SGCZ: variants seen among roughly 807,000 people sequenced by gnomAD.
SGCZ encodes the protein zeta-sarcoglycan.
SGCZ carries 40 observed loss-of-function variants against 41.3 expected under a neutral mutation model. That is an observed-to-expected ratio of 0.97 (90% CI 0.75 to 1.26). SGCZ has a LOEUF of 1.26. Among genes scored for constraint, SGCZ ranks in the 50% most tolerant of loss-of-function variants. The pLI, the probability that SGCZ is intolerant of heterozygous loss-of-function variation, is 0.00. For missense variants in SGCZ, 552 were observed against 369.8 expected (o/e 1.49, Z -4.04); for synonymous variants, 206 against 137.5 (o/e 1.50, Z -3.49).
At chr8:14,358,652 C>T (rs891831651) in intron 2 of SGCZ, among the ~76,000 whole-genome samples, 7 of 152,076 alleles carry the variant, frequency 4.6e-5, no homozygotes, top group African/African-American at 1.7e-4. Flanking sequence ...TGCTCTGCTG[C>T]CCAGGCTGGA....
chr8:15,103,431 A>AATAG (rs1400129111), intron 1 of SGCZ, among the ~76,000 whole-genome samples: 1 of 151,674 alleles, frequency 6.6e-6, no homozygotes, highest in Non-Finnish European at 1.5e-5. Context: ...TAAATAAATA[A>AATAG]AAGTAAATGA....
intron 2 of SGCZ, among the ~76,000 whole-genome samples, chr8:14,550,248 T>C (rs1287596324): frequency 1.3e-5 from 2 of 151,804 alleles, no homozygotes; most frequent in East Asian, 1.9e-4. Context: ...AGCGATAATA[T>C]ATATTTTGTG....
intron 2 of SGCZ, among the ~76,000 whole-genome samples, chr8:14,519,704 T>C (rs1195718442): frequency 6.6e-6 from 1 of 152,130 alleles, no homozygotes; most frequent in Non-Finnish European, 1.5e-5. Flanking sequence ...TTATCTGCAA[T>C]AATCTTTCTC....
chr8:14,284,676 T>C (rs1161423024), intron 3 of SGCZ, among the ~76,000 whole-genome samples: 2 of 152,174 alleles, frequency 1.3e-5, no homozygotes. Context: ...CATCTATAGA[T>C]TGATCCTGTT....
intron 2 of SGCZ, among the ~76,000 whole-genome samples, chr8:14,357,314 G>A (rs1406770334): frequency 6.6e-6 from 1 of 152,088 alleles, no homozygotes; most frequent in East Asian, 1.9e-4. Flanking sequence ...ACTTTGATAA[G>A]CATCTCAGTA....
At chr8:15,155,948 C>T (rs999591865) in intron 1 of SGCZ, among the ~76,000 whole-genome samples, 1 of 151,164 alleles carries the variant, frequency 6.6e-6, no homozygotes, top group African/African-American at 2.4e-5. Flanking sequence ...GTCCAAGCTA[C>T]TCGAGAGGCC....
intron 1 of SGCZ, among the ~76,000 whole-genome samples, chr8:14,954,611 AAAG>A (rs1315792696): frequency 6.6e-6 from 1 of 152,176 alleles, no homozygotes; most frequent in African/African-American, 2.4e-5. Flanking sequence ...CAAGGGACCC[AAAG>A]AAGAGGTAAG....
At chr8:15,024,385 C>A (rs1383104733) in intron 1 of SGCZ, among the ~76,000 whole-genome samples, 1 of 152,058 alleles carries the variant, frequency 6.6e-6, no homozygotes, top group African/African-American at 2.4e-5. Context: ...TTTTATTCTG[C>A]AAATATTTAG....
At chr8:14,306,949 C>T (rs548563234) in intron 3 of SGCZ, among the ~76,000 whole-genome samples, 1 of 152,138 alleles carries the variant, frequency 6.6e-6, no homozygotes, top group African/African-American at 2.4e-5. Flanking sequence ...TAATTCACTT[C>T]ACAAATAGTT....
chr8:15,207,351 A>G (rs1801099797), intron 1 of SGCZ, among the ~76,000 whole-genome samples: 2 of 152,234 alleles, frequency 1.3e-5, no homozygotes, highest in Admixed American at 6.5e-5. Context: ...TGTGCCAAAA[A>G]ACATGAAAAA....
At chr8:14,554,968 A>G (rs772262397) in intron 1 of SGCZ, 42 bp from the exon 2 acceptor site, 9 of 1,495,284 alleles carry the variant, frequency 6.0e-6, no homozygotes, top group Non-Finnish European at 8.1e-6. Flanking sequence ...AGGAAAAAAA[A>G]AGAAGCATTA....
intron 1 of SGCZ, among the ~76,000 whole-genome samples, chr8:14,594,242 C>A (rs1489847855): frequency 6.6e-6 from 1 of 150,776 alleles, no homozygotes; most frequent in Admixed American, 6.6e-5. Flanking sequence ...AAACAAAATA[C>A]AAATGGCTGA....
intron 1 of SGCZ, among the ~76,000 whole-genome samples, chr8:15,009,914 T>C (rs1802766324): frequency 6.6e-6 from 1 of 152,188 alleles, no homozygotes; most frequent in African/African-American, 2.4e-5. Flanking sequence ...CATGCACAAC[T>C]TTTGAAGTCT....
rs974842425 is a variant in SGCZ at position 15,129,684 on chromosome 8, G to A, written c.39+107901C>T. Among the ~76,000 whole-genome samples the A allele has an allele frequency of 9.3e-5, 11 of 118,168 alleles. No individual in the cohort carries two copies. In the Admixed American group the frequency reaches 1.0e-3, roughly 11 times the overall value. The allele number at this position is 118,168 out of a possible 152,430, so 77.5% of individuals were successfully genotyped here. ...GCACTCAAGCCACAAGGTCCCGTTC[G>A]GGTAAAGTCAGAGAAGCATTTGCAA... On this transcript the variant is annotated intron_variant, in intron 1 of 7. Coordinates refer to ENST00000382080, the MANE Select transcript of SGCZ (RefSeq NM_139167.4).
chr8:14,601,077 CT>C (rs1220882666), intron 1 of SGCZ, among the ~76,000 whole-genome samples: 1 of 150,228 alleles, frequency 6.7e-6, no homozygotes, highest in East Asian at 1.9e-4. Flanking sequence ...TATAAATATT[CT>C]ATACATTATA....
chr8:14,884,007 G>C (rs149976157), intron 1 of SGCZ, among the ~76,000 whole-genome samples: 6 of 152,100 alleles, frequency 3.9e-5, no homozygotes, highest in African/African-American at 1.4e-4. Flanking sequence ...ACAACAAATT[G>C]AATTGTAATG....
intron 3 of SGCZ, among the ~76,000 whole-genome samples, chr8:14,287,546 A>C (rs1007965795): frequency 6.6e-6 from 1 of 152,112 alleles, no homozygotes; most frequent in African/African-American, 2.4e-5. Flanking sequence ...TTACTAGTGC[A>C]GTGTTAAAAA....
intron 2 of SGCZ, among the ~76,000 whole-genome samples, chr8:14,511,756 T>G (rs1021482859): frequency 1.4e-4 from 21 of 152,272 alleles, no homozygotes; most frequent in African/African-American, 4.8e-4. Context: ...TATGATTGTA[T>G]AGCCAAAGTT....
At chr8:14,149,241 T>C (rs904076954) in intron 5 of SGCZ, among the ~76,000 whole-genome samples, 1 of 152,078 alleles carries the variant, frequency 6.6e-6, no homozygotes, top group African/African-American at 2.4e-5. Context: ...ACAAGTCAAA[T>C]TATCCTTGTT....
Sources: gnomAD v4.1 joint callset for allele counts (sites outside exome capture counted in the v4.1 genomes callset) on GRCh38, gnomAD v4.1.1 for gene constraint, MANE v1.5 for transcripts, NCBI Gene and HGNC (gene_info 2026-07-23, HGNC 2026-07-21) for gene names.